The following ZNF423 variants were observed in gnomAD, a reference collection of about 807,000 sequenced individuals.
ZNF423 encodes zinc finger protein 423.
In ZNF423, 12 loss-of-function variants were observed where a neutral mutation model predicts 95.8. The ratio of observed to expected loss-of-function variants is 0.13; its 90% CI spans 0.08 to 0.20. The LOEUF is 0.20. Ranked by LOEUF, ZNF423 falls within the 10% of genes least tolerant of loss-of-function variation. The probability of loss-of-function intolerance (pLI) is 1.00; values close to 1 mark genes in which losing one functional copy is unlikely to be tolerated. For missense variants in ZNF423, 1,316 were observed against 1,737.1 expected (o/e 0.76, Z 4.31); for synonymous variants, 749 against 711.9 (o/e 1.05, Z -0.83).
At position 49,815,870 on chromosome 16, in the gene ZNF423, C is replaced by CAA. The variant is rs1168729871; in HGVS notation, c.41-26326_41-26325dup. Reference sequence around the variant, plus strand: ...GTGTTACATTCTAATTCCAAACAAACAAAAAAAAAAAATATATATATATAT... The same window carrying CAA: ...GTGTTACATTCTAATTCCAAACAAACAAAAAAAAAAAAAATATATATATATAT... On this transcript the variant is annotated intron_variant, in intron 1 of 7. Coordinates refer to ENST00000563137, the MANE Select transcript of ZNF423 (RefSeq NM_001379286.1). Among the ~76,000 whole-genome samples the CAA allele has an allele frequency of 4.8e-3, 190 of 39,520 alleles. 2 individuals are homozygous for CAA. The highest frequency in any genetic ancestry group is 5.6e-3 in the Non-Finnish European group (134 of 23,946). The allele number at this position is 39,520 out of a possible 152,430, so 25.9% of individuals were successfully genotyped here.
intron 5 of ZNF423, among the ~76,000 whole-genome samples, chr16:49,581,473 C>A (rs1463393616): frequency 2.0e-5 from 3 of 152,214 alleles, no homozygotes; most frequent in East Asian, 3.8e-4. Context: ...ATACTGAAAT[C>A]TCTGTCCCTT....
rs1407119086 is a variant in ZNF423, at chr16:49,487,878, CCT to C, written c.*3395_*3396del. 3.3e-5 allele frequency: 5 copies of C among 152,394 alleles called. 1 individual carries two copies. The South Asian group carries it at 1.0e-3, about 32-fold the overall frequency. 9.4% of individuals were successfully genotyped at this position (152,394 alleles called of 1,614,324 possible). ...TCAGCAAGGCCTTCCTTAATGCACC[CCT>C]GTGTCTCATACACGGGTCCCTCCAT... is the stretch of plus-strand genomic sequence containing the variant. On this transcript the variant is annotated 3_prime_UTR_variant, in exon 8 of 8. Transcript: ENST00000563137.
intron 1 of ZNF423, among the ~76,000 whole-genome samples, chr16:49,827,848 G>A (rs1177676495): frequency 6.6e-6 from 1 of 152,062 alleles, no homozygotes; most frequent in African/African-American, 2.4e-5. Flanking sequence ...TTTTCTGGGG[G>A]TAGAATATCC....
chr16:49,827,540 G>T (rs1412251226), intron 1 of ZNF423, among the ~76,000 whole-genome samples: 3 of 151,780 alleles, frequency 2.0e-5, no homozygotes, highest in African/African-American at 7.3e-5. Context: ...TTTTGAGTTG[G>T]GGTCTCATTC....
In ZNF423 at chr16:49,604,703, T is replaced by C. The variant is rs1971479116; in HGVS notation, c.3601+21467A>G. ...CCCAACTTCCAGTCTGGCCATCTGG[T>C]CATGCAACCTGAGATCCTTCTCCCA... On this transcript the variant is annotated intron_variant, in intron 5 of 7. Coordinates refer to ENST00000563137, the MANE Select transcript of ZNF423 (RefSeq NM_001379286.1). Among the ~76,000 whole-genome samples the C allele has an allele frequency of 1.3e-5, 2 of 152,042 alleles. 1 individual carries two copies. Among genetic ancestry groups the C allele is most frequent in the South Asian group, 4.2e-4 (2 of 4,810 alleles).
intron 5 of ZNF423, among the ~76,000 whole-genome samples, chr16:49,589,952 A>G (rs1970956246): frequency 6.6e-6 from 1 of 150,988 alleles, no homozygotes; most frequent in South Asian, 2.1e-4. Context: ...AAAAGCATGC[A>G]AAGGTTGTGA....
intron 1 of ZNF423, among the ~76,000 whole-genome samples, chr16:49,849,838 C>T: frequency 6.6e-6 from 1 of 152,220 alleles, no homozygotes; most frequent in East Asian, 1.9e-4. Context: ...AGTAGAACAA[C>T]AGCAACGTAA....
chr16:49,626,346 T>C, intron 4 of ZNF423, 92 bp from the exon 5 acceptor site: 3 of 1,204,798 alleles, frequency 2.5e-6, no homozygotes, highest in Non-Finnish European at 3.6e-6. Flanking sequence ...GTCAAGACTT[T>C]CCAGAATGGT....
intron 3 of ZNF423, among the ~76,000 whole-genome samples, chr16:49,716,888 T>C (rs891062195): frequency 1.3e-5 from 2 of 152,166 alleles, no homozygotes; most frequent in African/African-American, 4.8e-5. Flanking sequence ...ATAAATTTGG[T>C]TGGTTTCTCA....
chr16:49,628,562 C>CATCT (rs1020328929), intron 4 of ZNF423, among the ~76,000 whole-genome samples: 6 of 151,624 alleles, frequency 4.0e-5, no homozygotes, highest in South Asian at 2.1e-4. Flanking sequence ...TCCATCCATC[C>CATCT]ATCTATCTAT....
At chr16:49,742,474 C>T (rs190968577) in intron 2 of ZNF423, among the ~76,000 whole-genome samples, 3 of 152,314 alleles carry the variant, frequency 2.0e-5, no homozygotes, top group African/African-American at 7.2e-5. Flanking sequence ...TAAAACTGAT[C>T]TCGCCGCGTG....
intron 1 of ZNF423, among the ~76,000 whole-genome samples, chr16:49,843,945 C>G (rs1291981765): frequency 6.6e-6 from 1 of 152,156 alleles, no homozygotes; most frequent in Non-Finnish European, 1.5e-5. Context: ...AATGATGTAG[C>G]AGGATGAGCG....
At chr16:49,519,975 G>C (rs1968324830) in intron 7 of ZNF423, among the ~76,000 whole-genome samples, 1 of 152,160 alleles carries the variant, frequency 6.6e-6, no homozygotes, top group South Asian at 2.1e-4. Context: ...TCGGGCCTCA[G>C]CTTGCATGCC....
chr16:49,836,196 G>A (rs1226041072), intron 1 of ZNF423, among the ~76,000 whole-genome samples: 1 of 152,184 alleles, frequency 6.6e-6, no homozygotes, highest in Non-Finnish European at 1.5e-5. Context: ...GTTGTGCCAG[G>A]CCTTGAACCT....
In ZNF423 at chr16:49,682,107, G is replaced by A. The variant is rs138667003; in HGVS notation, c.302-43233C>T. ...TTCCTCCTCCCCTTCCCCTTCGGAA[G>A]CCAGCTCTCACCCTACCCATGTCTT... is the stretch of plus-strand genomic sequence containing the variant. On this transcript the variant is annotated intron_variant, in intron 3 of 7. Transcript: ENST00000563137. Among the ~76,000 whole-genome samples, 433 of 151,226 alleles carry A rather than the reference G, an allele frequency of 2.9e-3. 3 individuals carry two copies. The highest frequency in any genetic ancestry group is 9.1e-3 in the African/African-American group (376 of 41,136).
At chr16:49,591,152 G>A (rs565043335) in intron 5 of ZNF423, among the ~76,000 whole-genome samples, 3 of 152,012 alleles carry the variant, frequency 2.0e-5, no homozygotes, top group African/African-American at 7.2e-5. Context: ...AGTACGGACA[G>A]TATAAGTCCA....
intron 2 of ZNF423, among the ~76,000 whole-genome samples, chr16:49,754,827 TAC>T (rs2033696119): frequency 1.3e-5 from 2 of 152,216 alleles, no homozygotes; most frequent in South Asian, 4.1e-4. Flanking sequence ...CAACATTGTG[TAC>T]AGAGTGCCAG....
At position 49,487,652 on chromosome 16, in the gene ZNF423, G is replaced by A. The variant is rs1966868660; in HGVS notation, c.*3623C>T. On this transcript the variant is annotated 3_prime_UTR_variant, in exon 8 of 8. Transcript: ENST00000563137. ...CAAGTTATAGTCGCAAGTCTATCCT[G>A]AATGGTATGATCTTGGACAAGATTC... 1 of 152,200 alleles carries A rather than the reference G, an allele frequency of 6.6e-6. No homozygotes were observed. Among genetic ancestry groups the A allele is most frequent in the Admixed American group, 6.5e-5 (1 of 15,292 alleles). 9.4% of individuals were successfully genotyped at this position (152,200 alleles called of 1,614,324 possible). A position where few individuals can be genotyped will look rare whatever the true frequency, so the allele number is the denominator to read the frequency against.
At chr16:49,665,892 G>A (rs1012726355) in intron 3 of ZNF423, among the ~76,000 whole-genome samples, 3 of 152,186 alleles carry the variant, frequency 2.0e-5, no homozygotes, top group African/African-American at 7.2e-5. Context: ...AGAGCCTCAA[G>A]AAAAGGGCAT....
Sources: gnomAD v4.1 joint callset for allele counts (sites outside exome capture counted in the v4.1 genomes callset) on GRCh38, gnomAD v4.1.1 for gene constraint, MANE v1.5 for transcripts, NCBI Gene and HGNC (gene_info 2026-07-23, HGNC 2026-07-21) for gene names.